ATP2B2: variants seen among roughly 807,000 people sequenced by gnomAD.
ATP2B2 encodes plasma membrane calcium-transporting ATPase 2.
A neutral mutation model predicts 120.0 loss-of-function variants in ATP2B2; 15 were observed. The ratio of observed to expected loss-of-function variants is 0.12; its 90% CI spans 0.08 to 0.19. The LOEUF is 0.19. Among genes scored for constraint, ATP2B2 ranks in the 10% least tolerant of loss-of-function variants. The pLI, the probability that ATP2B2 is intolerant of heterozygous loss-of-function variation, is 1.00. For synonymous variants in ATP2B2, 694 were observed against 700.3 expected, an observed-to-expected ratio of 0.99 and a Z score of 0.14; for missense variants, 1,045 against 1,719.8, an observed-to-expected ratio of 0.61 and a Z score of 6.94.
chr3:10,432,842 A>G (rs1273129216), intron 2 of ATP2B2, among the ~76,000 whole-genome samples: 1 of 152,092 alleles, frequency 6.6e-6, no homozygotes, highest in Non-Finnish European at 1.5e-5. Flanking sequence ...GTGTATAAGG[A>G]GGCGGTGGAG....
At chr3:10,484,353 G>A (rs1034495129) in intron 1 of ATP2B2, among the ~76,000 whole-genome samples, 2 of 152,114 alleles carry the variant, frequency 1.3e-5, no homozygotes, top group African/African-American at 4.8e-5. Context: ...TCTCCCGTGG[G>A]CACAGGCTCC....
chr3:10,485,803 C>T (rs1262196139), intron 1 of ATP2B2, among the ~76,000 whole-genome samples: 1 of 152,112 alleles, frequency 6.6e-6, no homozygotes, highest in African/African-American at 2.4e-5. Flanking sequence ...CTTCCTGGCT[C>T]TGGCTCAGGG....
In ATP2B2 at chr3:10,358,838, G is replaced by A; in HGVS notation, c.1989C>T (p.Pro663=). ...TAGTGCGGAGCCCATCGCAAGCCAT[G>A]GGCTCAATCACCTTCTTTACCATCT... is the stretch of plus-strand genomic sequence containing the variant. The part of the protein sequence containing the change: ...RDEMVKKVIE[P]MACDGLRTIC... The change falls in exon 14 of 23, where the codon CCC becomes CCT. Residue 663 remains proline, a synonymous_variant. Coordinates refer to ENST00000360273, the MANE Select transcript of ATP2B2 (RefSeq NM_001001331.4). The A allele has an allele frequency of 2.5e-6, 4 of 1,614,218 alleles. No individual in the cohort carries two copies. In the South Asian group the frequency reaches 3.3e-5, roughly 13 times the overall value.
chr3:10,451,751 G>T (rs2064060144), intron 1 of ATP2B2, among the ~76,000 whole-genome samples: 1 of 152,184 alleles, frequency 6.6e-6, no homozygotes, highest in Non-Finnish European at 1.5e-5. Flanking sequence ...CTCAAAAGAG[G>T]CCATGTTCCT....
chr3:10,409,006 T>C (rs891405867), intron 3 of ATP2B2, among the ~76,000 whole-genome samples: 1 of 152,234 alleles, frequency 6.6e-6, no homozygotes, highest in African/African-American at 2.4e-5. Flanking sequence ...GTTTCGTGGA[T>C]AATAATAGCA....
intron 2 of ATP2B2, among the ~76,000 whole-genome samples, chr3:10,425,181 A>G (rs1334179003): frequency 6.6e-6 from 1 of 151,836 alleles, no homozygotes; most frequent in South Asian, 2.1e-4. Flanking sequence ...GTGGTTGTGC[A>G]CGCCTATAGT....
upstream of ATP2B2, among the ~76,000 whole-genome samples, chr3:10,506,294 T>G (rs1350810857): frequency 1.3e-5 from 2 of 151,904 alleles, no homozygotes; most frequent in African/African-American, 4.8e-5. Flanking sequence ...GGGGGTGTGG[T>G]GGTGGGGGCT....
intron 2 of ATP2B2, among the ~76,000 whole-genome samples, chr3:10,538,588 A>G (rs2067367761): frequency 6.6e-6 from 1 of 152,220 alleles, no homozygotes; most frequent in Non-Finnish European, 1.5e-5. Context: ...AAATCAATAA[A>G]TGTAATCCAG....
chr3:10,478,529 C>T (rs1234880704), intron 1 of ATP2B2, among the ~76,000 whole-genome samples: 1 of 152,096 alleles, frequency 6.6e-6, no homozygotes, highest in South Asian at 2.1e-4. Context: ...TTAGACTCAA[C>T]GTATCTGAAA....
chr3:10,496,570 C>T (rs1286951778), intron 1 of ATP2B2, among the ~76,000 whole-genome samples: 1 of 152,150 alleles, frequency 6.6e-6, no homozygotes, highest in Admixed American at 6.5e-5. Context: ...ACCTTGTTTC[C>T]TTTCAGCCCC....
At position 10,502,090 on chromosome 3, in the gene ATP2B2, T is replaced by A. The variant is rs147016951; in HGVS notation, c.-320+3375A>T. On this transcript the variant is annotated intron_variant, in intron 1 of 22. Transcript: ENST00000360273. Reference sequence around the variant, plus strand: ...GGGACAGCAGGCGGATGGGCCAGTGTTTCAGGCTCTGCACATAGCATAAGC... The same window carrying A: ...GGGACAGCAGGCGGATGGGCCAGTGATTCAGGCTCTGCACATAGCATAAGC... Among the ~76,000 whole-genome samples, 6 of 152,274 alleles carry A rather than the reference T, an allele frequency of 3.9e-5. No individual in the cohort carries two copies. In the East Asian group the frequency reaches 7.7e-4, roughly 20 times the overall value.
rs554331967 is a variant in ATP2B2, at chr3:10,614,705, G to A, written c.-415+5212C>T. 4.6e-5 allele frequency among the ~76,000 whole-genome samples: 7 copies of A among 152,288 alleles called. 1 individual carries two copies. The South Asian group carries it at 1.5e-3, about 32-fold the overall frequency. ...TACCACTGACCTATGTCCCAGAGTG[G>A]CTGTGAGGGTTCTATGAGAGGCAGG... On this transcript the variant is annotated intron_variant, in intron 2 of 21. Transcript: ENST00000646379.
At chr3:10,356,636 C>T (rs1224030184) in intron 14 of ATP2B2, among the ~76,000 whole-genome samples, 6 of 151,892 alleles carry the variant, frequency 4.0e-5, no homozygotes, top group South Asian at 2.1e-4. Context: ...TGGGAGGGCC[C>T]GGGAAGGGGG....
chr3:10,345,572 T>C lies in ATP2B2; in HGVS notation c.2515A>G (p.Ile839Val). The change falls in exon 18 of 23, where the codon ATC becomes GTC. Residue 839 changes from isoleucine to valine, a missense_variant. Transcript: ENST00000360273. ...KKADVGFAMG[I>V]AGTDVAKEAS... Reference sequence around the variant, plus strand: ...TCCTTGGCCACGTCAGTGCCTGCGATGCCCTGTGGGGACAGGGACAGGAGG... The same window carrying C: ...TCCTTGGCCACGTCAGTGCCTGCGACGCCCTGTGGGGACAGGGACAGGAGG... 1.2e-6 allele frequency: 2 copies of C among 1,614,100 alleles called. No individual in the cohort carries two copies. The highest frequency in any genetic ancestry group is 1.3e-5 in the African/African-American group (1 of 75,050).
intron 2 of ATP2B2, among the ~76,000 whole-genome samples, chr3:10,423,389 C>T (rs2063050534): frequency 6.6e-6 from 1 of 152,162 alleles, no homozygotes; most frequent in Non-Finnish European, 1.5e-5. Flanking sequence ...CTCCCTGGGG[C>T]TGGACCCTGA....
chr3:10,386,996 C>T (rs984181329), intron 6 of ATP2B2, among the ~76,000 whole-genome samples: 3 of 152,194 alleles, frequency 2.0e-5, no homozygotes, highest in African/African-American at 7.2e-5. Flanking sequence ...GGGGCGTCTT[C>T]CCCTCACTCA....
intron 2 of ATP2B2, among the ~76,000 whole-genome samples, chr3:10,546,800 T>C (rs2067557288): frequency 6.6e-6 from 1 of 152,188 alleles, no homozygotes; most frequent in African/African-American, 2.4e-5. Flanking sequence ...GAAGACCTCG[T>C]ATCTGAGAGC....
rs73127672 is a variant in ATP2B2 at position 10,336,642 on chromosome 3, T to A, written c.3420+1534A>T. On this transcript the variant is annotated intron_variant, in intron 22 of 22. Coordinates refer to ENST00000360273, the MANE Select transcript of ATP2B2 (RefSeq NM_001001331.4). ...GTTCAGCCTCCCTCAGGTACAGGCG[T>A]GGAGGTAGAGGGTGTGGTGGGGGTC... 2.3e-3 allele frequency among the ~76,000 whole-genome samples: 346 copies of A among 152,070 alleles called. 1 individual carries two copies. The highest frequency in any genetic ancestry group is 7.6e-3 in the African/African-American group (317 of 41,474).
chr3:10,621,084 C>T (rs535203570), intron 1 of ATP2B2, among the ~76,000 whole-genome samples: 88 of 152,336 alleles, frequency 5.8e-4, no homozygotes, highest in African/African-American at 2.0e-3. Flanking sequence ...TGCTGCTCAG[C>T]TGGCCTGAGC....
Sources: allele counts gnomAD v4.1 joint callset (sites outside exome capture counted in the v4.1 genomes callset), GRCh38; gene constraint gnomAD v4.1.1; transcripts MANE v1.5; gene names NCBI Gene and HGNC (gene_info 2026-07-23, HGNC 2026-07-21).